PPP6R3: variants seen among roughly 807,000 people sequenced by gnomAD.
The protein encoded by PPP6R3 is protein phosphatase 6 regulatory subunit 3.
In PPP6R3, 38 loss-of-function variants were observed where a neutral mutation model predicts 110.7. That is an observed-to-expected ratio of 0.34 (90% CI 0.26 to 0.45). PPP6R3 has a LOEUF of 0.45. Ranked by LOEUF, PPP6R3 falls within the 20% of genes least tolerant of loss-of-function variation. The pLI, the probability that PPP6R3 is intolerant of heterozygous loss-of-function variation, is 1.00. For synonymous variants in PPP6R3, 369 were observed against 373.5 expected, an observed-to-expected ratio of 0.99 and a Z score of 0.14; for missense variants, 870 against 1,062.4, an observed-to-expected ratio of 0.82 and a Z score of 2.52.
chr11:68,571,831 T>C (rs1051393355), intron 12 of PPP6R3, among the ~76,000 whole-genome samples: 7 of 152,132 alleles, frequency 4.6e-5, no homozygotes, highest in Non-Finnish European at 1.0e-4. Context: ...AGGTGTACAT[T>C]CCTAGGAATT....
At chr11:68,609,550 T>G in intron 22 of PPP6R3, 1 of 1,533,002 alleles carries the variant, frequency 6.5e-7, no homozygotes, top group South Asian at 1.2e-5. Context: ...AATTCCTCAT[T>G]TCTAGGAGTA....
rs1232680017 is a variant in PPP6R3, at chr11:68,614,175, G to A, written c.*1058G>A. The A allele has an allele frequency of 2.0e-6, 2 of 986,362 alleles. No individual in the cohort carries two copies. The highest frequency in any genetic ancestry group is 1.2e-4 in the Admixed American group (2 of 16,272). The allele number at this position is 986,362 out of a possible 1,614,324, so 61.1% of individuals were successfully genotyped here. Reference sequence around the variant, plus strand: ...AATCTGGCACCGAAGCATGCTAATTGTTTACTGTACCTTGTGAGGTTTTCA... The same window carrying A: ...AATCTGGCACCGAAGCATGCTAATTATTTACTGTACCTTGTGAGGTTTTCA... On this transcript the variant is annotated 3_prime_UTR_variant, in exon 24 of 24. Coordinates refer to ENST00000393800, the MANE Select transcript of PPP6R3 (RefSeq NM_001164161.2).
At chr11:68,568,243 C>T (rs2099486873) in intron 10 of PPP6R3, among the ~76,000 whole-genome samples, 2 of 152,166 alleles carry the variant, frequency 1.3e-5, no homozygotes, top group African/African-American at 2.4e-5. Flanking sequence ...AGTTTTTGTC[C>T]TACCTTCTAG....
chr11:68,464,874 C>G (rs1427010997), intron 1 of PPP6R3, among the ~76,000 whole-genome samples: 2 of 151,224 alleles, frequency 1.3e-5, no homozygotes, highest in Non-Finnish European at 2.9e-5. Flanking sequence ...TTTTAGATGC[C>G]AGCTTCAACT....
chr11:68,591,765 A>C, intron 18 of PPP6R3, 59 bp downstream of exon 18: 2 of 1,540,168 alleles, frequency 1.3e-6, no homozygotes, highest in Non-Finnish European at 1.8e-6. Flanking sequence ...AATGATTATC[A>C]TGAGACATAC....
chr11:68,534,767 A>T (rs1034311629), intron 2 of PPP6R3, among the ~76,000 whole-genome samples: 5 of 152,168 alleles, frequency 3.3e-5, no homozygotes, highest in African/African-American at 1.2e-4. Context: ...ATATATTTTA[A>T]AAAAAGGTTT....
intron 15 of PPP6R3, 44 bp from the exon 16 acceptor site, chr11:68,587,883 C>T: frequency 6.9e-7 from 1 of 1,454,196 alleles, no homozygotes; most frequent in Non-Finnish European, 9.7e-7. Flanking sequence ...TGTAGAATAT[C>T]ATTAGAATCA....
intron 1 of PPP6R3, among the ~76,000 whole-genome samples, chr11:68,489,543 A>T (rs1169480350): frequency 9.2e-6 from 1 of 108,336 alleles, no homozygotes; most frequent in African/African-American, 4.7e-5. Context: ...CTTTGCAGAT[A>T]CTGTGTGTTT....
chr11:68,567,230 A>G, intron 10 of PPP6R3, 64 bp downstream of exon 10: 1 of 1,415,930 alleles, frequency 7.1e-7, no homozygotes, highest in Non-Finnish European at 9.4e-7. Context: ...TATTTAACCA[A>G]GTTACAACCT....
intron 8 of PPP6R3, among the ~76,000 whole-genome samples, chr11:68,563,177 G>A (rs2099433369): frequency 6.6e-6 from 1 of 151,610 alleles, no homozygotes; most frequent in African/African-American, 2.4e-5. Context: ...GAGGGAGGAG[G>A]ATCACTTGAG....
chr11:68,504,773 C>T lies in PPP6R3; in HGVS notation c.-157-14728C>T, dbSNP rs150467327. Among the ~76,000 whole-genome samples the T allele has an allele frequency of 6.0e-3, 908 of 152,292 alleles. 14 individuals carry two copies. Among genetic ancestry groups the T allele is most frequent in the Non-Finnish European group, 3.9e-3 (266 of 68,024 alleles). On this transcript the variant is annotated intron_variant, in intron 1 of 23. Coordinates refer to ENST00000393800, the MANE Select transcript of PPP6R3 (RefSeq NM_001164161.2). ...TCCAAACCTTTGTGAGCTGTGTGTT[C>T]TCATCCCAGCTACACGCACCTGACT... is the stretch of plus-strand genomic sequence containing the variant.
chr11:68,552,993 A>G (rs1488112034), intron 6 of PPP6R3, among the ~76,000 whole-genome samples: 1 of 152,336 alleles, frequency 6.6e-6, no homozygotes, highest in African/African-American at 2.4e-5. Context: ...TTAAGTGATG[A>G]ATTCCATGTT....
intron 4 of PPP6R3, among the ~76,000 whole-genome samples, chr11:68,546,624 T>C (rs917597817): frequency 3.3e-5 from 5 of 152,182 alleles, no homozygotes; most frequent in Admixed American, 2.6e-4. Context: ...TATGTGATAG[T>C]ATTAGTAGGG....
chr11:68,564,582 G>A, intron 9 of PPP6R3, 150 bp downstream of exon 9: 1 of 814,808 alleles, frequency 1.2e-6, no homozygotes, highest in Non-Finnish European at 1.8e-6. Context: ...GATTTTTACT[G>A]CTTTTGAGTG....
intron 2 of PPP6R3, among the ~76,000 whole-genome samples, chr11:68,521,555 G>A (rs1182041110): frequency 6.6e-6 from 1 of 152,252 alleles, no homozygotes; most frequent in East Asian, 1.9e-4. Context: ...AAAGTCTCCA[G>A]GAGTCCTAGA....
chr11:68,574,285 C>T, intron 13 of PPP6R3, 61 bp downstream of exon 13: 1 of 1,349,204 alleles, frequency 7.4e-7, no homozygotes, highest in Non-Finnish European at 1.1e-6. Flanking sequence ...ATTTAAGGGT[C>T]AAGTAGAAAT....
chr11:68,493,796 G>C (rs1006619356), intron 1 of PPP6R3, among the ~76,000 whole-genome samples: 5 of 151,584 alleles, frequency 3.3e-5, no homozygotes, highest in African/African-American at 1.2e-4. Context: ...TGTCATTATA[G>C]TACTCTTTTA....
At chr11:68,504,509 A>G (rs1366091621) in intron 1 of PPP6R3, among the ~76,000 whole-genome samples, 1 of 152,196 alleles carries the variant, frequency 6.6e-6, no homozygotes, top group African/African-American at 2.4e-5. Context: ...ACGCCATAGG[A>G]AAGGATATCT....
chr11:68,531,759 G>C (rs975601273), intron 2 of PPP6R3, among the ~76,000 whole-genome samples: 2 of 152,134 alleles, frequency 1.3e-5, no homozygotes, highest in Non-Finnish European at 2.9e-5. Context: ...TGCTATTGCG[G>C]ATCTTTCTTA....
Sources: allele counts gnomAD v4.1 joint callset (sites outside exome capture counted in the v4.1 genomes callset), GRCh38; gene constraint gnomAD v4.1.1; transcripts MANE v1.5; gene names NCBI Gene and HGNC (gene_info 2026-07-23, HGNC 2026-07-21).